The following NR2C2 variants were observed in gnomAD, a reference collection of about 807,000 sequenced individuals.
NR2C2 encodes Nuclear hormone receptor TR4.
In NR2C2, 6 loss-of-function variants were observed where a neutral mutation model predicts 62.9. The observed-to-expected ratio is 0.10, with a 90% CI of 0.05 to 0.19. The LOEUF (loss-of-function observed/expected upper bound fraction) is 0.19. Among genes scored for constraint, NR2C2 ranks in the 10% least tolerant of loss-of-function variants. NR2C2 has a pLI of 1.00. For missense variants in NR2C2, 479 were observed against 762.7 expected, an observed-to-expected ratio of 0.63 and a Z score of 4.38; for synonymous variants, 272 against 273.8, an observed-to-expected ratio of 0.99 and a Z score of 0.07.
Position 14,971,198 on chromosome 3 carries a change from A to G in NR2C2, c.-40+23292A>G, listed in dbSNP as rs970338681. Among the ~76,000 whole-genome samples the G allele has an allele frequency of 2.6e-5, 4 of 151,938 alleles. No individual in the cohort carries two copies. In the East Asian group the frequency reaches 5.8e-4, roughly 22 times the overall value. On this transcript the variant is annotated intron_variant, in intron 1 of 13. Transcript: ENST00000425241. ...AGTGGCGCAATCTTGGCTCACTGCA[A>G]CCTTTGCCTCCTGGGTTCAAGCAGT...
At chr3:15,009,769 T>C (rs1463009357) in intron 2 of NR2C2, among the ~76,000 whole-genome samples, 1 of 152,190 alleles carries the variant, frequency 6.6e-6, no homozygotes, top group Non-Finnish European at 1.5e-5. Flanking sequence ...TTTCCCAACC[T>C]TCTGGTGGCC....
At chr3:15,004,676 A>G in intron 2 of NR2C2, 1 of 1,562,960 alleles carries the variant, frequency 6.4e-7, no homozygotes. Context: ...GATGACAAAG[A>G]TTTATTGTTA....
intron 1 of NR2C2, among the ~76,000 whole-genome samples, chr3:14,996,568 G>A (rs1414830118): frequency 6.6e-6 from 1 of 152,160 alleles, no homozygotes; most frequent in Non-Finnish European, 1.5e-5. Flanking sequence ...AGCTATTAGA[G>A]GGTTTATTTG....
chr3:14,988,324 C>T (rs964964529), intron 1 of NR2C2, among the ~76,000 whole-genome samples: 8 of 152,254 alleles, frequency 5.3e-5, no homozygotes, highest in African/African-American at 1.9e-4. Context: ...CTGCAAATAT[C>T]TGGTATTGTC....
intron 1 of NR2C2, among the ~76,000 whole-genome samples, chr3:14,961,397 C>T (rs2125247197): frequency 6.6e-6 from 1 of 152,258 alleles, no homozygotes; most frequent in Middle Eastern, 3.4e-3. Flanking sequence ...TGAGGGAGGG[C>T]AGGCAAATGA....
chr3:14,998,665 A>G (rs1311827683), intron 1 of NR2C2, among the ~76,000 whole-genome samples: 1 of 151,300 alleles, frequency 6.6e-6, no homozygotes, highest in Non-Finnish European at 1.5e-5. Context: ...TTTTTCCCCC[A>G]TTTTATAGGT....
Position 15,044,130 on chromosome 3 carries a change from T to C in NR2C2, c.*1122T>C, listed in dbSNP as rs2042368925. Reference sequence around the variant, plus strand: ...CTCCATCATAACTGTGAGGCTGGATTGGGGCTGGGCAGGAGCCTGCTGCCG... The same window carrying C: ...CTCCATCATAACTGTGAGGCTGGATCGGGGCTGGGCAGGAGCCTGCTGCCG... On this transcript the variant is annotated 3_prime_UTR_variant, in exon 14 of 14. Transcript: ENST00000425241. The C allele has an allele frequency of 6.6e-6, 1 of 152,252 alleles. No homozygotes were observed. Among genetic ancestry groups the C allele is most frequent in the Non-Finnish European group, 1.5e-5 (1 of 68,080 alleles). 9.4% of individuals were successfully genotyped at this position (152,252 alleles called of 1,614,324 possible).
chr3:15,018,342 A>T (rs771877966), intron 4 of NR2C2, among the ~76,000 whole-genome samples: 3 of 152,196 alleles, frequency 2.0e-5, no homozygotes, highest in Admixed American at 2.0e-4. Flanking sequence ...TGGAGATACC[A>T]TGCAAACTGT....
chr3:15,030,375 GTCA>G lies in NR2C2; in HGVS notation c.1037_1039del (p.Ile346del). The stretch of plus-strand genomic sequence containing the variant: ...CACCAGTGGAGGAGGGAGCATCCAC[GTCA>G]TCAGCAGAGACCAGTCGACACCCAT... On this transcript the variant is annotated inframe_deletion, in exon 9 of 14. Coordinates refer to ENST00000425241, the MANE Select transcript of NR2C2 (RefSeq NM_001291694.2). 1 of 1,613,320 alleles carries G rather than the reference GTCA, an allele frequency of 6.2e-7. No individual in the cohort carries two copies. The highest frequency in any genetic ancestry group is 1.1e-5 in the South Asian group (1 of 90,910).
At chr3:14,957,111 C>G (rs2125231016) in intron 1 of NR2C2, among the ~76,000 whole-genome samples, 1 of 152,312 alleles carries the variant, frequency 6.6e-6, no homozygotes, top group Middle Eastern at 3.4e-3. Flanking sequence ...AGCTTAGTGC[C>G]TGAGCCTCAG....
intron 12 of NR2C2, 99 bp from the exon 13 acceptor site, chr3:15,039,023 A>G (rs2042180779): frequency 2.5e-6 from 2 of 809,050 alleles, no homozygotes. Flanking sequence ...TGTTGTACTT[A>G]AGAAGTTTGC....
intron 8 of NR2C2, among the ~76,000 whole-genome samples, 190 bp from the exon 9 acceptor site, chr3:15,030,085 G>A (rs2041940138): frequency 6.6e-6 from 1 of 152,170 alleles, no homozygotes; most frequent in Non-Finnish European, 1.5e-5. Flanking sequence ...AGCACTTTGA[G>A]AGGCCAAGGC....
intron 1 of NR2C2, among the ~76,000 whole-genome samples, chr3:14,975,207 A>T (rs1053942969): frequency 6.6e-5 from 10 of 152,050 alleles, no homozygotes; most frequent in Non-Finnish European, 1.5e-4. Context: ...TCCTCTATGG[A>T]TGCCTTTTAT....
intron 1 of NR2C2, among the ~76,000 whole-genome samples, chr3:14,977,697 G>A (rs2040245915): frequency 6.6e-6 from 1 of 152,186 alleles, no homozygotes; most frequent in African/African-American, 2.4e-5. Flanking sequence ...GGGCAAAATG[G>A]CTCATGCATA....
chr3:15,036,419 A>G (rs1256828269), intron 11 of NR2C2, among the ~76,000 whole-genome samples: 1 of 152,208 alleles, frequency 6.6e-6, no homozygotes, highest in Admixed American at 6.5e-5. Flanking sequence ...TCTGAAGACC[A>G]CTGTCATGCC....
At chr3:14,949,381 G>T (rs943570407) in intron 1 of NR2C2, among the ~76,000 whole-genome samples, 2 of 152,246 alleles carry the variant, frequency 1.3e-5, no homozygotes, top group African/African-American at 2.4e-5. Flanking sequence ...AACGGCCCTG[G>T]AGGAAGAGCA....
chr3:14,962,847 C>T (rs1235885285), intron 1 of NR2C2, among the ~76,000 whole-genome samples: 1 of 152,080 alleles, frequency 6.6e-6, no homozygotes, highest in Admixed American at 6.6e-5. Flanking sequence ...TAGTAGAAGA[C>T]GTGATTATGT....
intron 1 of NR2C2, among the ~76,000 whole-genome samples, chr3:14,989,231 G>A (rs1165139804): frequency 6.6e-6 from 1 of 152,184 alleles, no homozygotes; most frequent in Non-Finnish European, 1.5e-5. Flanking sequence ...TGGCTTTGGG[G>A]AAGGGGTGGG....
At position 14,996,610 on chromosome 3, in the gene NR2C2, C is replaced by T. The variant is rs531538287; in HGVS notation, c.-39-7266C>T. ...TATTGAGACGGAGTCTCGCTCTGTCCCCCAGGCTGGAGTGCAGTGGTGCGA... is the reference window on the plus strand; with the variant it reads ...TATTGAGACGGAGTCTCGCTCTGTCTCCCAGGCTGGAGTGCAGTGGTGCGA... On this transcript the variant is annotated intron_variant, in intron 1 of 13. Transcript: ENST00000425241. 6.0e-4 allele frequency among the ~76,000 whole-genome samples: 92 copies of T among 152,212 alleles called. 4 individuals carry two copies. In the South Asian group the frequency reaches 0.016, roughly 26 times the overall value.
Sources: allele counts gnomAD v4.1 joint callset (sites outside exome capture counted in the v4.1 genomes callset), GRCh38; gene constraint gnomAD v4.1.1; transcripts MANE v1.5; gene names NCBI Gene and HGNC (gene_info 2026-07-23, HGNC 2026-07-21).